Variants in EXOC4 observed in about 807,000 individuals in gnomAD.
EXOC4 encodes the protein SEC8-like 1.
A neutral mutation model predicts 107.2 loss-of-function variants in EXOC4; 71 were observed. The observed-to-expected ratio is 0.66, with a 90% CI of 0.55 to 0.81. The LOEUF (loss-of-function observed/expected upper bound fraction) is 0.81. Among genes scored for constraint, EXOC4 ranks in the 30% least tolerant of loss-of-function variants. The probability of loss-of-function intolerance (pLI) is 0.00; values close to 1 mark genes in which losing one functional copy is unlikely to be tolerated. For missense variants in EXOC4, 1,108 were observed against 1,189.6 expected (o/e 0.93, Z 1.01); for synonymous variants, 456 against 441.2 (o/e 1.03, Z -0.42).
At chr7:133,532,693 C>A (rs1384181569) in intron 9 of EXOC4, among the ~76,000 whole-genome samples, 2 of 151,806 alleles carry the variant, frequency 1.3e-5, no homozygotes. Context: ...TGAATCTTAG[C>A]CCAAGAAAAA....
intron 5 of EXOC4, 99 bp from the exon 6 acceptor site, chr7:133,356,231 A>G: frequency 8.4e-7 from 1 of 1,194,528 alleles, no homozygotes; most frequent in Non-Finnish European, 1.2e-6. Context: ...TAATTCTTTA[A>G]GAGAGTAATC....
chr7:134,050,406 C>T (rs1333579011), intron 17 of EXOC4, among the ~76,000 whole-genome samples: 1 of 152,184 alleles, frequency 6.6e-6, no homozygotes, highest in Non-Finnish European at 1.5e-5. Flanking sequence ...GGTTAAATAA[C>T]TTTCCCAAGT....
chr7:134,053,617 G>T (rs1434213271), intron 17 of EXOC4, among the ~76,000 whole-genome samples: 3 of 150,132 alleles, frequency 2.0e-5, no homozygotes, highest in African/African-American at 7.3e-5. Context: ...ATATTTTTTA[G>T]TTGGAGATGA....
Position 133,475,486 on chromosome 7 carries a change from C to T in EXOC4, c.1328+13C>T. ...ATTCTCTTTTCAAGTAAGTATTATTCTGCTGTTAATAGGTTTTAAGAATTG... is the reference window on the plus strand; with the variant it reads ...ATTCTCTTTTCAAGTAAGTATTATTTTGCTGTTAATAGGTTTTAAGAATTG... On this transcript the variant is annotated intron_variant, in intron 8 of 17. Transcript: ENST00000253861. The T allele has an allele frequency of 6.2e-7, 1 of 1,612,006 alleles. No homozygotes were observed. Among genetic ancestry groups the T allele is most frequent in the Non-Finnish European group, 8.5e-7 (1 of 1,178,526 alleles).
intron 10 of EXOC4, among the ~76,000 whole-genome samples, chr7:133,703,529 C>A (rs1794708755): frequency 6.6e-6 from 1 of 152,162 alleles, no homozygotes; most frequent in Non-Finnish European, 1.5e-5. Flanking sequence ...TCAGTGAGCA[C>A]AAGTCACTGG....
At chr7:133,855,150 T>TATAA in intron 11 of EXOC4, among the ~76,000 whole-genome samples, 1 of 134,122 alleles carries the variant, frequency 7.5e-6, no homozygotes, top group South Asian at 2.2e-4. Flanking sequence ...TATAAATATA[T>TATAA]ATATAAATAT....
chr7:133,857,124 ATG>A (rs1341922196), intron 11 of EXOC4, among the ~76,000 whole-genome samples: 7 of 87,528 alleles, frequency 8.0e-5, no homozygotes, highest in African/African-American at 3.5e-4. Flanking sequence ...GTATATATAT[ATG>A]TATATATATA....
At chr7:133,367,266 G>A (rs1418211573) in intron 6 of EXOC4, among the ~76,000 whole-genome samples, 5 of 152,098 alleles carry the variant, frequency 3.3e-5, no homozygotes, top group African/African-American at 4.8e-5. Flanking sequence ...AGAGTTTACC[G>A]CATTTAAGGA....
intron 14 of EXOC4, among the ~76,000 whole-genome samples, chr7:133,971,703 C>G (rs77062965): frequency 6.6e-6 from 1 of 151,836 alleles, no homozygotes; most frequent in Admixed American, 6.6e-5. Context: ...CCAGGCAGTT[C>G]GAAGGAGACA....
intron 12 of EXOC4, among the ~76,000 whole-genome samples, chr7:133,901,183 T>C (rs1277537209): frequency 6.6e-6 from 1 of 152,198 alleles, no homozygotes; most frequent in African/African-American, 2.4e-5. Flanking sequence ...TTTAATGTTA[T>C]TTTTAAGTCA....
intron 9 of EXOC4, among the ~76,000 whole-genome samples, chr7:133,613,786 A>C (rs539069940): frequency 6.1e-4 from 93 of 152,136 alleles, no homozygotes; most frequent in Non-Finnish European, 1.0e-3. Flanking sequence ...TTTTCACGAA[A>C]TACCTTTTTA....
At chr7:133,356,095 T>C (rs1328465727) in intron 5 of EXOC4, among the ~76,000 whole-genome samples, 1 of 152,172 alleles carries the variant, frequency 6.6e-6, no homozygotes, top group Non-Finnish European at 1.5e-5. Context: ...TGGTGATTTG[T>C]TTACTAATTT....
At chr7:133,540,968 T>G (rs1408738976) in intron 9 of EXOC4, among the ~76,000 whole-genome samples, 2 of 151,962 alleles carry the variant, frequency 1.3e-5, no homozygotes, top group Non-Finnish European at 2.9e-5. Context: ...AACAATTTTG[T>G]TTTTTTTAAT....
chr7:133,629,699 C>A (rs1802542740), intron 9 of EXOC4, among the ~76,000 whole-genome samples: 1 of 151,742 alleles, frequency 6.6e-6, no homozygotes, highest in Admixed American at 6.6e-5. Flanking sequence ...TGCGACCATG[C>A]CTGGCTAATT....
At chr7:133,821,551 A>G (rs1415586233) in intron 11 of EXOC4, among the ~76,000 whole-genome samples, 3 of 152,118 alleles carry the variant, frequency 2.0e-5, no homozygotes, top group African/African-American at 4.8e-5. Context: ...TGTTTTGTAT[A>G]TCTTTGTGGG....
chr7:133,910,474 G>A (rs183784276), intron 12 of EXOC4, among the ~76,000 whole-genome samples: 1 of 152,268 alleles, frequency 6.6e-6, no homozygotes, highest in East Asian at 1.9e-4. Flanking sequence ...TCATTCTCAG[G>A]TAGACATATA....
chr7:133,340,348 C>T (rs1259564122), intron 5 of EXOC4, among the ~76,000 whole-genome samples: 1 of 149,872 alleles, frequency 6.7e-6, no homozygotes, highest in Non-Finnish European at 1.5e-5. Flanking sequence ...CCAAGCATCC[C>T]TTCTGTGAAG....
intron 9 of EXOC4, among the ~76,000 whole-genome samples, chr7:133,530,988 G>A (rs1244864928): frequency 6.6e-6 from 1 of 152,038 alleles, no homozygotes; most frequent in Non-Finnish European, 1.5e-5. Flanking sequence ...TCTAAGGTTG[G>A]CCTTTCTGAC....
At chr7:133,912,842 A>G (rs1002101348) in intron 12 of EXOC4, among the ~76,000 whole-genome samples, 11 of 152,026 alleles carry the variant, frequency 7.2e-5, no homozygotes, top group Non-Finnish European at 1.5e-4. Flanking sequence ...CACATGGGAA[A>G]CTCCAAAAAT....
Sources: gnomAD v4.1 joint callset for allele counts (sites outside exome capture counted in the v4.1 genomes callset) on GRCh38, gnomAD v4.1.1 for gene constraint, MANE v1.5 for transcripts, NCBI Gene and HGNC (gene_info 2026-07-23, HGNC 2026-07-21) for gene names.